MTCL2: variants seen among roughly 807,000 people sequenced by gnomAD.
MTCL2 encodes the protein microtubule cross-linking factor 2.
At chr20:36,821,920 T>C in the MTCL2 span, among the ~76,000 whole-genome samples, 2 of 152,224 alleles carry the variant, frequency 1.3e-5, no homozygotes, top group Non-Finnish European at 2.9e-5. Context: ...GTTTTTAAAA[T>C]ATACTTTCCC....
chr20:36,786,529 A>G, the MTCL2 span: 1 of 1,550,242 alleles, frequency 6.5e-7, no homozygotes, highest in Non-Finnish European at 8.7e-7. Flanking sequence ...CCCCAGCTGG[A>G]CTCTGAAGGG....
chr20:36,805,715 A>T, the MTCL2 span: 1 of 695,024 alleles, frequency 1.4e-6, no homozygotes, highest in Non-Finnish European at 2.4e-6. Context: ...GGACTCTGTT[A>T]CTGCCCTGGG....
chr20:36,862,728 A>G, the MTCL2 span: 1 of 1,496,616 alleles, frequency 6.7e-7, no homozygotes. Flanking sequence ...GCAGTCCAGC[A>G]TCTCCTCGGT....
chr20:36,789,381 G>T, the MTCL2 span, among the ~76,000 whole-genome samples: 2 of 152,202 alleles, frequency 1.3e-5, no homozygotes, highest in Non-Finnish European at 2.9e-5. Flanking sequence ...TAAATTCTCA[G>T]CCAGGCGCAG....
chr20:36,781,653 C>T, the MTCL2 span: 1 of 151,404 alleles, frequency 6.6e-6, no homozygotes, highest in Admixed American at 6.6e-5. Flanking sequence ...TGAAACCAGC[C>T]TGGGCAACAT....
the MTCL2 span, among the ~76,000 whole-genome samples, chr20:36,839,868 T>G: frequency 1.3e-5 from 2 of 152,168 alleles, no homozygotes; most frequent in Admixed American, 6.6e-5. This position sits in a 1 kb window ranked among gnomAD's most constrained non-coding sequence, Gnocchi z 5.1. Flanking sequence ...TGTTCATTTT[T>G]TTGTTGTTTT....
At chr20:36,817,820 T>C in the MTCL2 span, among the ~76,000 whole-genome samples, 1 of 152,238 alleles carries the variant, frequency 6.6e-6, no homozygotes. Flanking sequence ...CCTGAGCACC[T>C]ATCAAGCGCC....
chr20:36,817,560 G>T, the MTCL2 span: 1 of 1,343,226 alleles, frequency 7.4e-7, no homozygotes, highest in South Asian at 1.4e-5. Flanking sequence ...ACAGTGCCCA[G>T]GGTCCAGGGA....
chr20:36,786,619 T>C, the MTCL2 span: 7 of 1,550,444 alleles, frequency 4.5e-6, no homozygotes, highest in Non-Finnish European at 6.1e-6. Context: ...GACTGGGTAC[T>C]ACAGTCACAA....
the MTCL2 span, among the ~76,000 whole-genome samples, chr20:36,817,045 T>C: frequency 1.3e-5 from 2 of 151,848 alleles, 1 homozygote; most frequent in Admixed American, 1.3e-4. Context: ...GGCAGGTGGA[T>C]TGCTTGAGGC....
At chr20:36,798,218 G>A in the MTCL2 span, among the ~76,000 whole-genome samples, 1 of 152,056 alleles carries the variant, frequency 6.6e-6, no homozygotes, top group Non-Finnish European at 1.5e-5. Context: ...TTACAGGGAT[G>A]AGCCACCTCG....
chr20:36,814,701 A>G, the MTCL2 span, among the ~76,000 whole-genome samples: 1 of 152,184 alleles, frequency 6.6e-6, no homozygotes, highest in African/African-American at 2.4e-5. Context: ...AGCCTGGCCA[A>G]CATGGTGAAA....
At chr20:36,793,405 T>A in the MTCL2 span, 1 of 1,551,534 alleles carries the variant, frequency 6.4e-7, no homozygotes, top group Non-Finnish European at 8.7e-7. The surrounding 1 kb of genome is among the most constrained non-coding windows in gnomAD (Gnocchi z 6.8). Flanking sequence ...GGTAGCTGGC[T>A]GGGGAGAGGG....
chr20:36,818,829 CAG>C, the MTCL2 span, among the ~76,000 whole-genome samples: 1 of 152,096 alleles, frequency 6.6e-6, no homozygotes. Flanking sequence ...GTTTCACAAA[CAG>C]AGCATTAAAA....
At chr20:36,830,978 T>C in the MTCL2 span, among the ~76,000 whole-genome samples, 136 of 152,290 alleles carry the variant, frequency 8.9e-4, 1 homozygote, top group African/African-American at 3.2e-3. Flanking sequence ...GGTGGGCAGA[T>C]GTCCAAGTCA....
At chr20:36,797,270 T>C in the MTCL2 span, among the ~76,000 whole-genome samples, 1 of 151,986 alleles carries the variant, frequency 6.6e-6, no homozygotes, top group African/African-American at 2.4e-5. Context: ...GCTTGTCTTC[T>C]TCCTCCTCAA....
chr20:36,841,155 CAAAAAAAAA>C, the MTCL2 span, among the ~76,000 whole-genome samples: 989 of 40,354 alleles, frequency 0.025, 11 homozygotes, highest in Middle Eastern at 0.042. Flanking sequence ...ACTAAAAATA[CAAAAAAAAA>C]AAAAAAAAAA....
the MTCL2 span, among the ~76,000 whole-genome samples, chr20:36,857,165 G>C: frequency 5.9e-5 from 9 of 152,178 alleles, no homozygotes; most frequent in Non-Finnish European, 1.0e-4. Context: ...GTGTGGGTTT[G>C]TGTCTCCGCC....
At chr20:36,795,995 G>A in the MTCL2 span, among the ~76,000 whole-genome samples, 1 of 152,088 alleles carries the variant, frequency 6.6e-6, no homozygotes. Flanking sequence ...CCAGTTGCCC[G>A]TGGAATAACC....
Sources: allele counts gnomAD v4.1 joint callset (sites outside exome capture counted in the v4.1 genomes callset), GRCh38; gene constraint gnomAD v4.1.1; non-coding constraint Gnocchi (gnomAD v3.1); transcripts MANE v1.5; gene names NCBI Gene and HGNC (gene_info 2026-07-23, HGNC 2026-07-21).